FARSB: variants seen among roughly 807,000 people sequenced by gnomAD.
FARSB encodes phenylalanine--tRNA ligase beta subunit.
In FARSB, 40 loss-of-function variants were observed where a neutral mutation model predicts 69.6. That is an observed-to-expected ratio of 0.57 (90% CI 0.45 to 0.75). FARSB has a LOEUF of 0.75. Ranked by LOEUF, FARSB falls within the 30% of genes least tolerant of loss-of-function variation. The pLI is 0.00. For missense variants in FARSB, 632 were observed against 722.9 expected, an observed-to-expected ratio of 0.87 and a Z score of 1.44; for synonymous variants, 235 against 247.2, an observed-to-expected ratio of 0.95 and a Z score of 0.46.
At chr2:222,605,876 G>T (rs1690691715) in intron 15 of FARSB, among the ~76,000 whole-genome samples, 1 of 152,172 alleles carries the variant, frequency 6.6e-6, no homozygotes, top group African/African-American at 2.4e-5. Flanking sequence ...GTTCGAGATT[G>T]CAGTGAGCTA....
chr2:222,622,901 AAT>A (rs1482460946), intron 13 of FARSB, among the ~76,000 whole-genome samples: 1 of 152,232 alleles, frequency 6.6e-6, no homozygotes, highest in Non-Finnish European at 1.5e-5. Flanking sequence ...CTTAATGCTT[AAT>A]ATTTATTAAG....
intron 1 of FARSB, among the ~76,000 whole-genome samples, chr2:222,654,675 T>G (rs1162657156): frequency 3.9e-4 from 59 of 152,222 alleles, no homozygotes; most frequent in Admixed American, 3.9e-3. Context: ...TTTCAGGGAC[T>G]TATGGCAGAA....
intron 15 of FARSB, among the ~76,000 whole-genome samples, chr2:222,611,460 TG>T (rs1690849802): frequency 7.5e-6 from 1 of 133,142 alleles, no homozygotes; most frequent in African/African-American, 2.8e-5. Context: ...GGGGGGCGCG[TG>T]GGGGAGACAG....
chr2:222,599,984 A>G lies in FARSB; in HGVS notation c.1562T>C (p.Leu521Ser), dbSNP rs751321614. Reference protein sequence around the residue: ...IHGLLDRIMQLLDVPPGEDKG... With the variant: ...IHGLLDRIMQSLDVPPGEDKG... The stretch of plus-strand genomic sequence containing the variant: ...GTCTTCACCAGGAGGCACATCGAGC[A>G]ACTGCATAATTCTGTCCAGCAGCCC... Residue 521 changes from leucine to serine, a missense_variant, in exon 16 of 17, where the codon TTG becomes TCG. Physicochemically the swap from Leu to Ser is moderately radical, Grantham distance 145. Coordinates refer to ENST00000281828, the MANE Select transcript of FARSB (RefSeq NM_005687.5). 1.9e-6 allele frequency: 3 copies of G among 1,611,990 alleles called. No individual in the cohort carries two copies. Among genetic ancestry groups the G allele is most frequent in the Non-Finnish European group, 1.7e-6 (2 of 1,179,540 alleles).
At chr2:222,641,698 TG>T (rs1396031065) in intron 3 of FARSB, among the ~76,000 whole-genome samples, 2 of 152,228 alleles carry the variant, frequency 1.3e-5, no homozygotes, top group Non-Finnish European at 2.9e-5. Context: ...AGATTCTCAC[TG>T]GGCAGGTTTG....
chr2:222,639,234 C>G (rs952044072), intron 5 of FARSB, among the ~76,000 whole-genome samples: 1 of 152,146 alleles, frequency 6.6e-6, no homozygotes, highest in African/African-American at 2.4e-5. Flanking sequence ...GCATAATCCA[C>G]GACTGATCTG....
intron 1 of FARSB, among the ~76,000 whole-genome samples, chr2:222,652,652 T>C (rs778876673): frequency 3.2e-4 from 49 of 152,160 alleles, no homozygotes; most frequent in Non-Finnish European, 5.9e-4. Context: ...CAACAACCAC[T>C]TGAATGAACC....
At chr2:222,631,715 T>C (rs1208899528) in intron 7 of FARSB, 41 bp from the exon 8 acceptor site, 1 of 1,144,398 alleles carries the variant, frequency 8.7e-7, no homozygotes. Context: ...ATAACTAATT[T>C]CAGAAATAGA....
At chr2:222,613,000 T>G (rs2106209158) in intron 15 of FARSB, among the ~76,000 whole-genome samples, 1 of 152,344 alleles carries the variant, frequency 6.6e-6, no homozygotes, top group Admixed American at 6.5e-5. Context: ...TAAACTAGAA[T>G]GACATGATAT....
At chr2:222,580,392 G>A (rs1689936193) in intron 16 of FARSB, among the ~76,000 whole-genome samples, 1 of 151,916 alleles carries the variant, frequency 6.6e-6, no homozygotes, top group African/African-American at 2.4e-5. Flanking sequence ...AGGCATAGTG[G>A]TTGTACACCT....
rs183988317 is a variant in FARSB, at chr2:222,581,700, C to T, written c.1619-9678G>A. 1.6e-3 allele frequency among the ~76,000 whole-genome samples: 245 copies of T among 152,132 alleles called. 1 individual carries two copies. Among genetic ancestry groups the T allele is most frequent in the Admixed American group, 0.013 (206 of 15,272 alleles). ...CTGAAAAAACAGCATATGTATATCA[C>T]GAAGGGTTGACAGCCACACTACATA... is the stretch of plus-strand genomic sequence containing the variant. On this transcript the variant is annotated intron_variant, in intron 16 of 16. Transcript: ENST00000281828.
In FARSB at chr2:222,608,727, G is replaced by C. The variant is rs558897064; in HGVS notation, c.1462+5084C>G. 2.5e-4 allele frequency among the ~76,000 whole-genome samples: 38 copies of C among 152,304 alleles called. 1 individual carries two copies. Among genetic ancestry groups the C allele is most frequent in the African/African-American group, 9.1e-4 (38 of 41,564 alleles). ...TTAAAAACTATTTTGTCAGTGATTT[G>C]AGGGGTAGAGGAAATGTAGCTTGCA... On this transcript the variant is annotated intron_variant, in intron 15 of 16. Coordinates refer to ENST00000281828, the MANE Select transcript of FARSB (RefSeq NM_005687.5).
intron 2 of FARSB, among the ~76,000 whole-genome samples, chr2:222,646,594 T>C (rs1455056665): frequency 6.6e-6 from 1 of 152,272 alleles, no homozygotes; most frequent in Non-Finnish European, 1.5e-5. Flanking sequence ...ATTCCAGTTC[T>C]GACTTCACAT....
chr2:222,567,124 G>A lies in FARSB; in HGVS notation c.*4747C>T, dbSNP rs1240213255. ...TATCAGGCCACTGAGCCTTTCATGA[G>A]GGCCTCCCTCTCATGACCTCATCTA... On this transcript the variant is annotated 3_prime_UTR_variant, in exon 17 of 17. Transcript: ENST00000281828. The A allele has an allele frequency of 6.6e-6, 1 of 152,176 alleles. No homozygotes were observed. Among genetic ancestry groups the A allele is most frequent in the East Asian group, 1.9e-4 (1 of 5,188 alleles). The allele number at this position is 152,176 out of a possible 1,614,324, so 9.4% of individuals were successfully genotyped here.
intron 14 of FARSB, among the ~76,000 whole-genome samples, chr2:222,618,132 T>C (rs1199815534): frequency 6.6e-6 from 1 of 152,134 alleles, no homozygotes; most frequent in African/African-American, 2.4e-5. Flanking sequence ...CCAAAATTAG[T>C]ATAAGGATTC....
At chr2:222,578,541 A>G (rs901631504) in intron 16 of FARSB, among the ~76,000 whole-genome samples, 1 of 152,216 alleles carries the variant, frequency 6.6e-6, no homozygotes, top group South Asian at 2.1e-4. Context: ...CAAGTAGGGC[A>G]TGTAAAAGAA....
chr2:222,609,736 C>T (rs1690794777), intron 15 of FARSB, among the ~76,000 whole-genome samples: 1 of 152,162 alleles, frequency 6.6e-6, no homozygotes, highest in Non-Finnish European at 1.5e-5. Flanking sequence ...CGGCCTCATA[C>T]AACACGGATG....
chr2:222,624,819 T>A, intron 10 of FARSB, 44 bp from the exon 11 acceptor site: 1 of 1,244,452 alleles, frequency 8.0e-7, no homozygotes, highest in Non-Finnish European at 1.2e-6. Context: ...TCCCATCAGA[T>A]ACAGCTTTAG....
At chr2:222,572,500 A>G (rs1039257726) in intron 16 of FARSB, among the ~76,000 whole-genome samples, 47 of 151,970 alleles carry the variant, frequency 3.1e-4, no homozygotes, top group African/African-American at 1.1e-3. Context: ...ACTCTTCCTC[A>G]CTCTTTCTCA....
Sources: allele counts gnomAD v4.1 joint callset (sites outside exome capture counted in the v4.1 genomes callset), GRCh38; gene constraint gnomAD v4.1.1; transcripts MANE v1.5; gene names NCBI Gene and HGNC (gene_info 2026-07-23, HGNC 2026-07-21).